LRPPRC: variants seen among roughly 807,000 people sequenced by gnomAD.
LRPPRC encodes leucine-rich PPR motif-containing protein, mitochondrial.
Under a neutral mutation model 180.3 loss-of-function variants are expected in LRPPRC, and 120 were observed. The ratio of observed to expected loss-of-function variants is 0.67; its 90% CI spans 0.57 to 0.77. LRPPRC has a LOEUF of 0.77. Among genes scored for constraint, LRPPRC ranks in the 30% least tolerant of loss-of-function variants. The pLI, the probability that LRPPRC is intolerant of heterozygous loss-of-function variation, is 0.00. For synonymous variants in LRPPRC, 723 were observed against 600.0 expected, an observed-to-expected ratio of 1.21 and a Z score of -3.00; for missense variants, 2,012 against 1,657.2, an observed-to-expected ratio of 1.21 and a Z score of -3.72.
intron 30 of LRPPRC, 30 bp from the exon 31 acceptor site, chr2:43,905,810 T>A: frequency 7.7e-7 from 1 of 1,290,678 alleles, no homozygotes; most frequent in East Asian, 2.3e-5. Context: ...AGAAAGGAAT[T>A]ACTGACATGC....
chr2:43,886,582 A>G lies in LRPPRC; in HGVS notation c.*2018T>C, dbSNP rs555767893. The G allele has an allele frequency of 6.6e-6, 1 of 152,242 alleles. No homozygotes were observed. The highest frequency in any genetic ancestry group is 2.4e-5 in the African/African-American group (1 of 41,452). 9.4% of individuals were successfully genotyped at this position (152,242 alleles called of 1,614,324 possible). ...CCGCTGCTGCCGAGAGGGCTAGATA[A>G]GGGGGTCTTACCTATTTCCTCTGTA... is the stretch of plus-strand genomic sequence containing the variant. On this transcript the variant is annotated 3_prime_UTR_variant, in exon 38 of 38. Transcript: ENST00000260665.
At chr2:43,951,023 T>G (rs1672882933) in intron 14 of LRPPRC, among the ~76,000 whole-genome samples, 1 of 152,008 alleles carries the variant, frequency 6.6e-6, no homozygotes. Flanking sequence ...TGAGCCGAGA[T>G]CGTGCCACTG....
intron 25 of LRPPRC, among the ~76,000 whole-genome samples, chr2:43,931,271 G>C (rs1454262711): frequency 6.6e-6 from 1 of 152,032 alleles, no homozygotes; most frequent in African/African-American, 2.4e-5. Context: ...CTCTTCCCTT[G>C]GGTTTGATTC....
Position 43,948,508 on chromosome 2 carries a change from G to C in LRPPRC, c.1746C>G (p.Gly582=). Residue 582 remains glycine (G), a synonymous_variant, in exon 17 of 38, where the codon GGC becomes GGG. Transcript: ENST00000260665. ...TGTCAATCAAGTTATAAAGAAAATA[G>C]CCAACAGCTTCTGTGGAAAAAAACA... ...QEPRGPTEAV[G]YFLYNLIDSM... 6.4e-7 allele frequency: 1 copy of C among 1,565,236 alleles called. No homozygotes were observed. The highest frequency in any genetic ancestry group is 8.8e-7 in the Non-Finnish European group (1 of 1,135,478).
Position 43,976,253 on chromosome 2 carries a change from T to C in LRPPRC, c.651-24A>G, listed in dbSNP as rs776061816. 3.9e-6 allele frequency: 5 copies of C among 1,266,162 alleles called. No homozygotes were observed. In the Admixed American group the frequency reaches 8.4e-5, roughly 21 times the overall value. The allele number at this position is 1,266,162 out of a possible 1,614,324, so 78.4% of individuals were successfully genotyped here. ...TGCTGCAAAGGAAAAACGAAGATAC[T>C]CATTGAAAGTATTTATAAGAACACT... On this transcript the variant is annotated intron_variant, in intron 5 of 37. Coordinates refer to ENST00000260665, the MANE Select transcript of LRPPRC (RefSeq NM_133259.4).
chr2:43,920,680 G>C (rs1471121528), intron 27 of LRPPRC, among the ~76,000 whole-genome samples: 7 of 113,586 alleles, frequency 6.2e-5, no homozygotes, highest in African/African-American at 2.5e-4. Flanking sequence ...AAACTTATTT[G>C]ATTTAAAAAA....
intron 35 of LRPPRC, among the ~76,000 whole-genome samples, chr2:43,895,840 G>A (rs1043359866): frequency 2.6e-5 from 4 of 152,018 alleles, no homozygotes; most frequent in Non-Finnish European, 4.4e-5. Context: ...GGTAAAATCC[G>A]ATCTAAGAGA....
intron 1 of LRPPRC, among the ~76,000 whole-genome samples, chr2:43,985,704 A>G (rs892235914): frequency 5.3e-5 from 8 of 152,228 alleles, no homozygotes; most frequent in African/African-American, 1.9e-4. Context: ...TTTTGTAGAT[A>G]TACATGATTT....
intron 11 of LRPPRC, among the ~76,000 whole-genome samples, chr2:43,973,168 T>G (rs1047648585): frequency 6.6e-6 from 1 of 152,212 alleles, no homozygotes. Context: ...GCCTTTCCTA[T>G]TATTCTAACT....
intron 14 of LRPPRC, among the ~76,000 whole-genome samples, chr2:43,954,462 AGTT>A (rs1673024010): frequency 6.6e-6 from 1 of 152,250 alleles, no homozygotes; most frequent in Non-Finnish European, 1.5e-5. Context: ...AATACTTGTA[AGTT>A]TGCAGGAAGT....
At chr2:43,954,578 T>A (rs1038572208) in intron 14 of LRPPRC, among the ~76,000 whole-genome samples, 1 of 152,210 alleles carries the variant, frequency 6.6e-6, no homozygotes, top group African/African-American at 2.4e-5. Flanking sequence ...TATTAAAGAA[T>A]ACATACACTC....
In LRPPRC at chr2:43,974,142, C is replaced by G. The variant is rs762650241; in HGVS notation, c.1155+8G>C. On this transcript the variant is annotated splice_region_variant and intron_variant, in intron 9 of 37. Coordinates refer to ENST00000260665, the MANE Select transcript of LRPPRC (RefSeq NM_133259.4). ...ACATTGTCTACAAAGTAAAAGTGGA[C>G]AGAATACCGTATTCATAGTCACACA... 6.2e-7 allele frequency: 1 copy of G among 1,612,708 alleles called. No individual in the cohort carries two copies. The highest frequency in any genetic ancestry group is 1.7e-5 in the Admixed American group (1 of 60,018).
rs748748161 is a variant in LRPPRC at position 43,947,784 on chromosome 2, G to T, written c.1921-9C>A. 3 of 1,570,006 alleles carry T rather than the reference G, an allele frequency of 1.9e-6. No homozygotes were observed. In the African/African-American group the frequency reaches 4.1e-5, roughly 21 times the overall value. ...ACCAACAAGTGAGCATCCTAAAATT[G>T]AAATTTAAATTAGCCCAGAATTAGA... On this transcript the variant is annotated splice_polypyrimidine_tract_variant and intron_variant, in intron 18 of 37. Coordinates refer to ENST00000260665, the MANE Select transcript of LRPPRC (RefSeq NM_133259.4).
In LRPPRC at chr2:43,908,626, G is replaced by A. The variant is rs564009727; in HGVS notation, c.3276-2846C>T. The stretch of plus-strand genomic sequence containing the variant: ...AACCTCCGCCTCCCGGGTTCAAGCC[G>A]TTCTCCTGCCTTGGCCTCCTGAGTA... On this transcript the variant is annotated intron_variant, in intron 30 of 37. Transcript: ENST00000260665. Among the ~76,000 whole-genome samples, 25 of 109,704 alleles carry A rather than the reference G, an allele frequency of 2.3e-4. 1 individual carries two copies. The highest frequency in any genetic ancestry group is 1.9e-4 in the Non-Finnish European group (11 of 57,796). The allele number at this position is 109,704 out of a possible 152,430, so 72.0% of individuals were successfully genotyped here.
chr2:43,915,884 A>G (rs1467989111), intron 29 of LRPPRC, among the ~76,000 whole-genome samples: 6 of 152,090 alleles, frequency 3.9e-5, no homozygotes, highest in East Asian at 3.9e-4. Flanking sequence ...TCTCACCTCA[A>G]CCTCCTGAGT....
At chr2:43,986,483 A>T (rs1674531811) in intron 1 of LRPPRC, among the ~76,000 whole-genome samples, 1 of 152,178 alleles carries the variant, frequency 6.6e-6, no homozygotes, top group African/African-American at 2.4e-5. Flanking sequence ...CACTGATATT[A>T]TGAATCAGTT....
chr2:43,899,560 A>G lies in LRPPRC; in HGVS notation c.3615T>C (p.Thr1205=), dbSNP rs1376075859. 5 of 1,610,372 alleles carry G rather than the reference A, an allele frequency of 3.1e-6. No individual in the cohort carries two copies. The highest frequency in any genetic ancestry group is 4.2e-6 in the Non-Finnish European group (5 of 1,176,718). Residue 1205 remains threonine (T), a synonymous_variant, in exon 33 of 38, where the codon ACT becomes ACC. Coordinates refer to ENST00000260665, the MANE Select transcript of LRPPRC (RefSeq NM_133259.4). The stretch of plus-strand genomic sequence containing the variant: ...GGGGTTCAATGACTTTATTCTCTGA[A>G]GTAAGCATATTTTCAATGTTTTCTA... The part of the protein sequence containing the change: ...AAIENIENML[T]SENKVIEPQY...
chr2:43,982,070 G>C (rs973678834), intron 2 of LRPPRC, among the ~76,000 whole-genome samples, 168 bp downstream of exon 2: 1 of 152,036 alleles, frequency 6.6e-6, no homozygotes, highest in African/African-American at 2.4e-5. Flanking sequence ...ACCATGCCTG[G>C]CTAATTTTTG....
Position 43,974,130 on chromosome 2 carries a change from A to T in LRPPRC, c.1155+20T>A. On this transcript the variant is annotated intron_variant, in intron 9 of 37. Coordinates refer to ENST00000260665, the MANE Select transcript of LRPPRC (RefSeq NM_133259.4). ...TCACTGCCAATTACATTGTCTACAA[A>T]GTAAAAGTGGACAGAATACCGTATT... 6.2e-7 allele frequency: 1 copy of T among 1,606,166 alleles called. No individual in the cohort carries two copies.
Sources: allele counts gnomAD v4.1 joint callset (sites outside exome capture counted in the v4.1 genomes callset), GRCh38; gene constraint gnomAD v4.1.1; transcripts MANE v1.5; gene names NCBI Gene and HGNC (gene_info 2026-07-23, HGNC 2026-07-21).